SDAD1: variants seen among roughly 807,000 people sequenced by gnomAD.
The protein encoded by SDAD1 is protein SDA1 homolog.
A neutral mutation model predicts 100.3 loss-of-function variants in SDAD1; 79 were observed. The observed-to-expected ratio is 0.79, with a 90% CI of 0.66 to 0.95. SDAD1 has a LOEUF of 0.95. SDAD1 is among the 40% of genes least tolerant of loss of function. The pLI is 0.00. For missense variants in SDAD1, 790 were observed against 810.9 expected (o/e 0.97, Z 0.31); for synonymous variants, 267 against 271.4 (o/e 0.98, Z 0.16).
chr4:75,954,148 G>A (rs1728756370), intron 21 of SDAD1, among the ~76,000 whole-genome samples: 2 of 152,064 alleles, frequency 1.3e-5, no homozygotes, highest in African/African-American at 4.8e-5. Context: ...TTGGGAGACC[G>A]AGGCAGGCAG....
At chr4:75,955,536 A>G (rs1437883704) in intron 21 of SDAD1, among the ~76,000 whole-genome samples, 2 of 152,178 alleles carry the variant, frequency 1.3e-5, no homozygotes, top group East Asian at 3.9e-4. Context: ...GCACCACTGC[A>G]CTCCAGCCTG....
rs1730133211 is a variant in SDAD1 at position 75,975,911 on chromosome 4, GAA to G, written c.477+11_477+12del. 1 of 1,600,208 alleles carries G rather than the reference GAA, an allele frequency of 6.2e-7. No homozygotes were observed. Among genetic ancestry groups the G allele is most frequent in the Non-Finnish European group, 8.6e-7 (1 of 1,167,442 alleles). ...TACAATGCTGCAAACATGGAAGACA[GAA>G]GAGTACTTACTACATTCACTTTATT... On this transcript the variant is annotated intron_variant, in intron 5 of 21. Transcript: ENST00000356260.
chr4:75,985,838 AC>A (rs1730859216), intron 1 of SDAD1, among the ~76,000 whole-genome samples: 1 of 152,034 alleles, frequency 6.6e-6, no homozygotes, highest in African/African-American at 2.4e-5. Flanking sequence ...CCAAACTCCA[AC>A]GATCCTTCAA....
In SDAD1 at chr4:75,965,768, G is replaced by A; in HGVS notation, c.1100C>T (p.Pro367Leu). ...AAQASHHLVP[P>L]EIIQSLLMTV... is the part of the protein sequence containing the mutation. ...AGTCAGGTTACAGGTTCTCACCTCT[G>A]GGGGTACTAGGTGATGAGATGCTTG... The change falls in exon 13 of 22, where the codon CCA becomes CTA. Residue 367 changes from proline (P) to leucine (L), a missense_variant. Physicochemically the swap from Pro to Leu is moderately conservative, Grantham distance 98. Coordinates refer to ENST00000356260, the MANE Select transcript of SDAD1 (RefSeq NM_018115.4). The A allele has an allele frequency of 6.2e-7, 1 of 1,612,894 alleles. No homozygotes were observed. Among genetic ancestry groups the A allele is most frequent in the African/African-American group, 1.3e-5 (1 of 74,986 alleles).
Position 75,950,745 on chromosome 4 carries a change from G to A in SDAD1, c.*5C>T. ...TCTTCTAGGAATGGAAAACTTGCCA[G>A]GAAGTTACTTCATTCTTTTTCTCTT... On this transcript the variant is annotated 3_prime_UTR_variant, in exon 22 of 22. Transcript: ENST00000356260. The A allele has an allele frequency of 6.3e-7, 1 of 1,581,446 alleles. No individual in the cohort carries two copies. The highest frequency in any genetic ancestry group is 8.7e-7 in the Non-Finnish European group (1 of 1,155,106).
At chr4:75,954,601 C>A (rs1728788511) in intron 21 of SDAD1, among the ~76,000 whole-genome samples, 1 of 152,042 alleles carries the variant, frequency 6.6e-6, no homozygotes, top group African/African-American at 2.4e-5. Flanking sequence ...TGTAGGGAGA[C>A]CCCCTGAATC....
At chr4:75,964,427 A>G (rs1729423833) in intron 13 of SDAD1, among the ~76,000 whole-genome samples, 1 of 152,234 alleles carries the variant, frequency 6.6e-6, no homozygotes, top group South Asian at 2.1e-4. Context: ...AATCAAAGAA[A>G]GGAATTACTC....
chr4:75,984,735 T>C (rs1336750474), intron 1 of SDAD1, among the ~76,000 whole-genome samples: 4 of 149,476 alleles, frequency 2.7e-5, no homozygotes, highest in South Asian at 4.3e-4. Context: ...CACCCATACA[T>C]AGTCTATGTC....
At chr4:75,951,925 A>G (rs991410788) in intron 21 of SDAD1, among the ~76,000 whole-genome samples, 3 of 152,170 alleles carry the variant, frequency 2.0e-5, no homozygotes, top group African/African-American at 7.2e-5. Flanking sequence ...TCTAGCTTAA[A>G]TTTTAACAAG....
chr4:75,965,628 C>G (rs1729494931), intron 13 of SDAD1, 136 bp downstream of exon 13: 2 of 745,728 alleles, frequency 2.7e-6, no homozygotes. Flanking sequence ...CTTCATTTCT[C>G]AGACCATCTG....
chr4:75,958,798 TAA>T (rs780035774), intron 17 of SDAD1, among the ~76,000 whole-genome samples: 39 of 130,404 alleles, frequency 3.0e-4, no homozygotes, highest in Admixed American at 3.9e-4. Flanking sequence ...CAAAGCCCTT[TAA>T]AAAAAAAAAA....
At chr4:75,981,857 G>T in intron 2 of SDAD1, 76 bp downstream of exon 2, 1 of 1,035,002 alleles carries the variant, frequency 9.7e-7, no homozygotes, top group Non-Finnish European at 1.4e-6. Context: ...AGTGGAATAA[G>T]GTTGAGTATT....
intron 16 of SDAD1, among the ~76,000 whole-genome samples, 196 bp from the exon 17 acceptor site, chr4:75,960,388 C>A (rs566426929): frequency 1.1e-4 from 16 of 152,222 alleles, no homozygotes; most frequent in African/African-American, 3.9e-4. Context: ...GGGATCCACC[C>A]ACCTCAGCCT....
At chr4:75,975,038 C>CA (rs1381173947) in intron 6 of SDAD1, among the ~76,000 whole-genome samples, 4 of 148,834 alleles carry the variant, frequency 2.7e-5, no homozygotes, top group Non-Finnish European at 5.9e-5. Flanking sequence ...AAGACTTTCT[C>CA]AAAAAAAATT....
chr4:75,981,237 T>A (rs1730489168), intron 3 of SDAD1, 135 bp downstream of exon 3: 1 of 811,738 alleles, frequency 1.2e-6, no homozygotes, highest in South Asian at 2.0e-5. Context: ...CATAGAAGGA[T>A]TTTTAGGAAA....
chr4:75,974,417 AAAAC>A (rs1266934477), intron 6 of SDAD1, among the ~76,000 whole-genome samples: 1 of 151,912 alleles, frequency 6.6e-6, no homozygotes, highest in East Asian at 1.9e-4. Context: ...AAAAAAAAAA[AAAAC>A]AACAACTGAG....
At position 75,969,375 on chromosome 4, in the gene SDAD1, T is replaced by C; in HGVS notation, c.908A>G (p.Gln303Arg). The C allele has an allele frequency of 1.2e-6, 2 of 1,613,602 alleles. No individual in the cohort carries two copies. The highest frequency in any genetic ancestry group is 1.7e-6 in the Non-Finnish European group (2 of 1,179,740). ...AAACCTCTCCTTACAGCACTCAAGC[T>C]GCTTTAGTAGTTTTTCCGCAAAATC... Reference protein sequence around the residue: ...PQDFAEKLLKQLECCKERFEV... With the variant: ...PQDFAEKLLKRLECCKERFEV... The change falls in exon 11 of 22, where the codon CAG (glutamine) becomes CGG (arginine). Residue 303 changes from glutamine (Q) to arginine (R), a missense_variant. Coordinates refer to ENST00000356260, the MANE Select transcript of SDAD1 (RefSeq NM_018115.4).
intron 10 of SDAD1, 142 bp from the exon 11 acceptor site, chr4:75,969,541 C>G (rs1302037537): frequency 3.6e-6 from 2 of 557,442 alleles, no homozygotes; most frequent in Admixed American, 6.5e-5. Context: ...TAATGGTGCC[C>G]AAAGTTAAGT....
At chr4:75,983,802 A>G (rs1730699060) in intron 1 of SDAD1, among the ~76,000 whole-genome samples, 1 of 151,736 alleles carries the variant, frequency 6.6e-6, no homozygotes, top group African/African-American at 2.4e-5. Flanking sequence ...ATTAGATCCC[A>G]TTTGTCAATT....
Sources: allele counts gnomAD v4.1 joint callset (sites outside exome capture counted in the v4.1 genomes callset), GRCh38; gene constraint gnomAD v4.1.1; transcripts MANE v1.5; gene names NCBI Gene and HGNC (gene_info 2026-07-23, HGNC 2026-07-21).